DNTT: variants seen among roughly 807,000 people sequenced by gnomAD.
The protein encoded by DNTT is nucleosidetriphosphate:DNA deoxynucleotidylexotransferase.
In DNTT, 47 loss-of-function variants were observed where a neutral mutation model predicts 60.9. The observed-to-expected ratio is 0.77, with a 90% confidence interval of 0.61 to 0.98. The LOEUF (loss-of-function observed/expected upper bound fraction) is 0.98, where lower values mean the gene tolerates loss of function less well. Among genes scored for constraint, DNTT ranks in the 50% least tolerant of loss-of-function variants. The pLI, the probability that DNTT is intolerant of heterozygous loss-of-function variation, is 0.00. For missense variants in DNTT, 665 were observed against 627.5 expected, an observed-to-expected ratio of 1.06 and a Z score of -0.64; for synonymous variants, 224 against 221.2, an observed-to-expected ratio of 1.01 and a Z score of -0.11.
chr10:96,310,235 A>G (rs544131523), intron 1 of DNTT, among the ~76,000 whole-genome samples: 1 of 152,350 alleles, frequency 6.6e-6, no homozygotes, highest in Admixed American at 6.5e-5. Flanking sequence ...TCCTATTGCC[A>G]TCATTATGAC....
intron 10 of DNTT, among the ~76,000 whole-genome samples, chr10:96,336,865 G>A (rs897143530): frequency 3.4e-5 from 5 of 148,294 alleles, no homozygotes; most frequent in African/African-American, 5.0e-5. Flanking sequence ...TTGAACCCGG[G>A]AGGCAGAGGC....
At position 96,306,912 on chromosome 10, in the gene DNTT, G is replaced by A. The variant is rs181175637; in HGVS notation, c.203+2212G>A. ...GATATATAGACTTTAATTGGATAGA[G>A]AAATAAAAATTATTGTAGGGGACAA... is the stretch of plus-strand genomic sequence containing the variant. On this transcript the variant is annotated intron_variant, in intron 1 of 10. Transcript: ENST00000371174. 2.8e-3 allele frequency among the ~76,000 whole-genome samples: 430 copies of A among 152,306 alleles called. 2 individuals carry two copies. The highest frequency in any genetic ancestry group is 4.7e-3 in the Non-Finnish European group (323 of 68,018).
chr10:96,332,667 A>G, intron 9 of DNTT, 71 bp downstream of exon 9: 3 of 1,571,046 alleles, frequency 1.9e-6, no homozygotes, highest in South Asian at 2.4e-5. Flanking sequence ...ACCTGGGCCC[A>G]GGGGAGAGAT....
rs1844859658 is a variant in DNTT, at chr10:96,320,775, A to G, written c.665A>G (p.Lys222Arg). Residue 222 changes from lysine to arginine, a missense_variant, in exon 4 of 11, where the codon AAG (lysine) becomes AGG (arginine). Physicochemically the swap from Lys to Arg is conservative, Grantham distance 26 (BLOSUM62 2). Transcript: ENST00000371174. ...EGIPCLGSKV[K>R]GIIEEIIEDG... The stretch of plus-strand genomic sequence containing the variant: ...ATTCCCTGCCTGGGGTCCAAGGTGA[A>G]GGGTATCATAGAGGTAAGGGTGAAA... The G allele has an allele frequency of 6.2e-7, 1 of 1,613,512 alleles. No individual in the cohort carries two copies. Among genetic ancestry groups the G allele is most frequent in the Admixed American group, 1.7e-5 (1 of 59,988 alleles).
At chr10:96,316,016 G>A (rs557607671) in intron 1 of DNTT, among the ~76,000 whole-genome samples, 1 of 152,148 alleles carries the variant, frequency 6.6e-6, no homozygotes, top group Non-Finnish European at 1.5e-5. Context: ...TCTGACCCCA[G>A]CCCACACCTC....
rs1042713329 is a variant in DNTT at position 96,322,743 on chromosome 10, A to G, written c.750+15A>G. 1.4e-5 allele frequency: 22 copies of G among 1,573,910 alleles called. No homozygotes were observed. Among genetic ancestry groups the G allele is most frequent in the Non-Finnish European group, 1.8e-5 (21 of 1,152,700 alleles). ...AATCCTTCAAAGTAAGTGATTTTAC[A>G]TATATTTATTGAAAATTGTTTTTCA... On this transcript the variant is annotated intron_variant, in intron 5 of 10. Transcript: ENST00000371174.
intron 1 of DNTT, among the ~76,000 whole-genome samples, chr10:96,315,294 G>T (rs1390246577): frequency 6.6e-6 from 1 of 150,676 alleles, no homozygotes; most frequent in Non-Finnish European, 1.5e-5. Context: ...TACAATTAAA[G>T]TTTCTAAATG....
chr10:96,311,598 T>G (rs537903744), intron 1 of DNTT, among the ~76,000 whole-genome samples: 1 of 152,334 alleles, frequency 6.6e-6, no homozygotes, highest in African/African-American at 2.4e-5. Flanking sequence ...TAATATCTTT[T>G]ACCACATCTT....
intron 1 of DNTT, among the ~76,000 whole-genome samples, chr10:96,317,778 C>T (rs1278167363): frequency 6.6e-6 from 1 of 152,196 alleles, no homozygotes; most frequent in Non-Finnish European, 1.5e-5. Flanking sequence ...GACTTTCCAG[C>T]CTCCAGAACT....
chr10:96,307,312 T>TTA (rs2133981499), intron 1 of DNTT, among the ~76,000 whole-genome samples: 1 of 150,174 alleles, frequency 6.7e-6, no homozygotes, highest in South Asian at 2.1e-4. Flanking sequence ...TAGGGAGAGA[T>TTA]TATGGCTGTT....
chr10:96,333,663 G>A (rs534730153), intron 9 of DNTT, among the ~76,000 whole-genome samples: 7 of 152,346 alleles, frequency 4.6e-5, no homozygotes, highest in African/African-American at 1.7e-4. Context: ...TGTCATTTGA[G>A]ACAACATGGT....
At chr10:96,332,182 C>T (rs960167824) in intron 8 of DNTT, among the ~76,000 whole-genome samples, 169 bp from the exon 9 acceptor site, 1 of 152,216 alleles carries the variant, frequency 6.6e-6, no homozygotes, top group African/African-American at 2.4e-5. Context: ...GATAATGCAA[C>T]CACTTTCTTA....
chr10:96,325,887 G>C (rs1022648960), intron 6 of DNTT, among the ~76,000 whole-genome samples: 5 of 152,198 alleles, frequency 3.3e-5, no homozygotes, highest in Admixed American at 2.6e-4. Context: ...ATTTGCACTT[G>C]ATTGCAGTTC....
chr10:96,312,204 G>A (rs1455044438), intron 1 of DNTT, among the ~76,000 whole-genome samples: 2 of 152,208 alleles, frequency 1.3e-5, no homozygotes, highest in Non-Finnish European at 2.9e-5. Context: ...CTAGGCTGGG[G>A]CAGTTCAATA....
intron 9 of DNTT, among the ~76,000 whole-genome samples, chr10:96,334,132 A>G (rs1013916899): frequency 6.6e-6 from 1 of 152,224 alleles, no homozygotes; most frequent in African/African-American, 2.4e-5. Flanking sequence ...AAATCAAGCT[A>G]TAAAATTTTT....
At chr10:96,309,734 A>G (rs1005797593) in intron 1 of DNTT, among the ~76,000 whole-genome samples, 1 of 152,186 alleles carries the variant, frequency 6.6e-6, no homozygotes, top group Non-Finnish European at 1.5e-5. Context: ...CATGGCTTCT[A>G]GCAGTTAAGG....
chr10:96,328,710 G>T lies in DNTT; in HGVS notation c.1008-15G>T. 1 of 1,608,152 alleles carries T rather than the reference G, an allele frequency of 6.2e-7. No homozygotes were observed. The highest frequency in any genetic ancestry group is 8.5e-7 in the Non-Finnish European group (1 of 1,177,960). On this transcript the variant is annotated splice_polypyrimidine_tract_variant and intron_variant, in intron 7 of 10. Coordinates refer to ENST00000371174, the MANE Select transcript of DNTT (RefSeq NM_004088.4). ...ATCTAATTGATTTCCATTTTATACT[G>T]CTTTTGAAAATTAGGGGTAAGAAGA...
chr10:96,319,940 G>T (rs113710063), intron 3 of DNTT, among the ~76,000 whole-genome samples: 27 of 152,262 alleles, frequency 1.8e-4, no homozygotes, highest in African/African-American at 6.5e-4. Flanking sequence ...GTTTTGAATG[G>T]CCCTAAAACC....
intron 2 of DNTT, among the ~76,000 whole-genome samples, chr10:96,318,812 G>A (rs1168822955): frequency 1.3e-5 from 2 of 152,130 alleles, no homozygotes; most frequent in African/African-American, 4.8e-5. Flanking sequence ...CTATTTTCCC[G>A]AACACATTTA....
Sources: allele counts gnomAD v4.1 joint callset (sites outside exome capture counted in the v4.1 genomes callset), GRCh38; gene constraint gnomAD v4.1.1; transcripts MANE v1.5; gene names NCBI Gene and HGNC (gene_info 2026-07-23, HGNC 2026-07-21).